The following ANKRD55 variants were observed in gnomAD, a reference collection of about 807,000 sequenced individuals.
The protein encoded by ANKRD55 is ankyrin repeat domain-containing protein 55.
Under a neutral mutation model 60.6 loss-of-function variants are expected in ANKRD55, and 41 were observed. That is an observed-to-expected ratio of 0.68 (90% CI 0.53 to 0.88). ANKRD55 has a LOEUF of 0.88. Ranked by LOEUF, ANKRD55 falls within the 40% of genes least tolerant of loss-of-function variation. The probability of loss-of-function intolerance (pLI) is 0.00; values close to 1 mark genes in which losing one functional copy is unlikely to be tolerated. For synonymous variants in ANKRD55, 264 were observed against 290.3 expected (o/e 0.91, Z 0.92); for missense variants, 732 against 767.6 (o/e 0.95, Z 0.55).
chr5:56,166,149 T>TCCTTCCTTC (rs1368857561), intron 5 of ANKRD55, among the ~76,000 whole-genome samples: 20 of 63,132 alleles, frequency 3.2e-4, no homozygotes, highest in African/African-American at 8.5e-4. Flanking sequence ...TTTCTTTCTT[T>TCCTTCCTTC]CTTTCTTCTT....
chr5:56,168,342 C>T (rs1404315114), intron 5 of ANKRD55, among the ~76,000 whole-genome samples: 1 of 152,136 alleles, frequency 6.6e-6, no homozygotes, highest in Non-Finnish European at 1.5e-5. Flanking sequence ...AATTGTGCGG[C>T]ATTCTGAGTA....
intron 4 of ANKRD55, among the ~76,000 whole-genome samples, chr5:56,175,631 TGA>T (rs1491460011): frequency 6.6e-6 from 1 of 152,136 alleles, no homozygotes; most frequent in African/African-American, 2.4e-5. Flanking sequence ...GATTGTGGGC[TGA>T]GTCATCTGCT....
chr5:56,161,627 T>C (rs1035283350), intron 5 of ANKRD55, among the ~76,000 whole-genome samples: 2 of 152,216 alleles, frequency 1.3e-5, no homozygotes, highest in Non-Finnish European at 2.9e-5. Flanking sequence ...TCAATCTTGT[T>C]GTATCATAGT....
intron 7 of ANKRD55, among the ~76,000 whole-genome samples, chr5:56,130,270 A>C (rs1291022698): frequency 6.6e-6 from 1 of 152,186 alleles, no homozygotes; most frequent in Non-Finnish European, 1.5e-5. Context: ...AGCCTAATCT[A>C]CTGAGGTTTT....
intron 3 of ANKRD55, among the ~76,000 whole-genome samples, chr5:56,181,770 A>G (rs200878073): frequency 6.6e-6 from 1 of 152,132 alleles, no homozygotes; most frequent in Admixed American, 6.5e-5. Context: ...TTGTATTTTT[A>G]GTAGAGACGG....
At chr5:56,225,977 A>G (rs2111896675) in intron 2 of ANKRD55, among the ~76,000 whole-genome samples, 1 of 152,344 alleles carries the variant, frequency 6.6e-6, no homozygotes, top group East Asian at 1.9e-4. Context: ...ATTGGAAAAA[A>G]CTACTTTAAA....
chr5:56,185,314 G>C (rs1291764210), intron 2 of ANKRD55, among the ~76,000 whole-genome samples: 1 of 152,138 alleles, frequency 6.6e-6, no homozygotes, highest in Admixed American at 6.5e-5. Context: ...GGCCTCCAGG[G>C]AGAGGCTGTG....
At chr5:56,102,390 C>CAAA in intron 11 of ANKRD55, 104 bp downstream of exon 11, 11 of 672,638 alleles carry the variant, frequency 1.6e-5, no homozygotes, top group East Asian at 3.7e-5. Flanking sequence ...GACTCCATCT[C>CAAA]AAAAAAAAAA....
intron 2 of ANKRD55, among the ~76,000 whole-genome samples, chr5:56,187,517 G>A (rs935732258): frequency 1.5e-4 from 23 of 152,156 alleles, no homozygotes; most frequent in Admixed American, 9.2e-4. Flanking sequence ...TGTTTGTTAC[G>A]GCTTGAGCTG....
intron 5 of ANKRD55, among the ~76,000 whole-genome samples, chr5:56,169,132 C>T (rs553188781): frequency 1.3e-5 from 2 of 152,312 alleles, no homozygotes; most frequent in East Asian, 3.9e-4. Flanking sequence ...GCTGGGATTA[C>T]AGGTGTGAGC....
intron 2 of ANKRD55, among the ~76,000 whole-genome samples, chr5:56,198,168 A>G (rs36752): frequency 0.14 from 21,128 of 152,228 alleles, 1,980 homozygotes; most frequent in South Asian, 0.32. Context: ...TTTTAAACCT[A>G]CGAACTGGGT....
In ANKRD55 at chr5:56,183,588, G is replaced by A. The variant is rs746168425; in HGVS notation, c.105C>T (p.Ala35=). ...EVDLTMVYQA[A]SNGDVNALTA... Reference sequence around the variant, plus strand: ...TCAGAGCATTGACATCTCCATTAGAGGCTGCTTGATAAACCATGGTCAGGT... The same window carrying A: ...TCAGAGCATTGACATCTCCATTAGAAGCTGCTTGATAAACCATGGTCAGGT... Residue 35 remains alanine (A), a synonymous_variant, in exon 3 of 12, where the codon GCC becomes GCT. Transcript: ENST00000341048. 1.2e-6 allele frequency: 2 copies of A among 1,614,172 alleles called. No individual in the cohort carries two copies. Among genetic ancestry groups the A allele is most frequent in the Admixed American group, 3.3e-5 (2 of 60,020 alleles).
At chr5:56,113,986 C>CTATA (rs3055156) in intron 9 of ANKRD55, among the ~76,000 whole-genome samples, 7,162 of 138,596 alleles carry the variant, frequency 0.052, 186 homozygotes, top group Admixed American at 0.07. Context: ...AATATGTATA[C>CTATA]TATATATATA....
At chr5:56,124,691 A>G (rs1340111546) in intron 8 of ANKRD55, among the ~76,000 whole-genome samples, 1 of 152,158 alleles carries the variant, frequency 6.6e-6, no homozygotes, top group Admixed American at 6.5e-5. Flanking sequence ...TATTTTTAGT[A>G]GAGACAGGGT....
chr5:56,181,501 C>T (rs548440740), intron 3 of ANKRD55, among the ~76,000 whole-genome samples: 3 of 152,190 alleles, frequency 2.0e-5, no homozygotes, highest in South Asian at 2.1e-4. Context: ...TTGGTTAATT[C>T]GGTGGATTAC....
At chr5:56,135,790 ACTAT>A (rs1213819393) in intron 7 of ANKRD55, among the ~76,000 whole-genome samples, 1 of 152,194 alleles carries the variant, frequency 6.6e-6, no homozygotes, top group African/African-American at 2.4e-5. Context: ...AGATCACATG[ACTAT>A]CTATGTATAA....
chr5:56,167,259 T>C (rs1214343903), intron 5 of ANKRD55, among the ~76,000 whole-genome samples: 3 of 152,240 alleles, frequency 2.0e-5, no homozygotes, highest in Non-Finnish European at 4.4e-5. Context: ...CTATGCTATA[T>C]GGTAGAGCCT....
intron 5 of ANKRD55, among the ~76,000 whole-genome samples, chr5:56,168,914 TGG>T (rs2111810257): frequency 6.6e-6 from 1 of 152,362 alleles, no homozygotes; most frequent in South Asian, 2.1e-4. Flanking sequence ...TGGAGTGCAG[TGG>T]TGCAAACTCA....
chr5:56,184,369 TG>T, intron 2 of ANKRD55, among the ~76,000 whole-genome samples: 1 of 152,340 alleles, frequency 6.6e-6, no homozygotes, highest in African/African-American at 2.4e-5. Flanking sequence ...GCTGTAAGGA[TG>T]GGATTGGCTT....
Sources: gnomAD v4.1 joint callset for allele counts (sites outside exome capture counted in the v4.1 genomes callset) on GRCh38, gnomAD v4.1.1 for gene constraint, MANE v1.5 for transcripts, NCBI Gene and HGNC (gene_info 2026-07-23, HGNC 2026-07-21) for gene names.